Variants in GINS4 observed in about 807,000 individuals in gnomAD.
GINS4 encodes the protein GINS complex subunit 4, also known as DNA replication complex GINS protein SLD5.
Under a neutral mutation model 31.1 loss-of-function variants are expected in GINS4, and 20 were observed. The ratio of observed to expected loss-of-function variants is 0.64; its 90% CI spans 0.45 to 0.93. The LOEUF (loss-of-function observed/expected upper bound fraction) is 0.93. GINS4 is among the 40% of genes least tolerant of loss of function. GINS4 has a pLI of 0.00. For missense variants in GINS4, 245 were observed against 273.9 expected (o/e 0.89, Z 0.75); for synonymous variants, 85 against 97.9 (o/e 0.87, Z 0.78).
rs1221360808 is a variant in GINS4, at chr8:41,537,285, C to T, written c.289C>T (p.Leu97Phe). ...CCTCAGCAGCTACTTGCGGTGTCGC[C>T]TCATGAAGGTTTGACGTGGAGATAC... ...YVLSSYLRCR[L>F]MKIEKFFPHV... is the part of the protein sequence containing the mutation. The change falls in exon 4 of 8, where the codon CTC becomes TTC. Residue 97 changes from leucine to phenylalanine, a missense_variant. Leu to Phe is a conservative substitution (Grantham distance 22). Transcript: ENST00000276533. The T allele has an allele frequency of 1.9e-6, 3 of 1,609,788 alleles. No homozygotes were observed. The highest frequency in any genetic ancestry group is 2.2e-5 in the East Asian group (1 of 44,830).
chr8:41,540,065 C>T, intron 6 of GINS4, 61 bp downstream of exon 6: 1 of 1,109,518 alleles, frequency 9.0e-7, no homozygotes, highest in Non-Finnish European at 1.4e-6. Flanking sequence ...AGGGTAGGAT[C>T]CTCTCTTCAC....
At chr8:41,541,645 G>T (rs13261019) in intron 6 of GINS4, among the ~76,000 whole-genome samples, 164 bp from the exon 7 acceptor site, 1 of 152,010 alleles carries the variant, frequency 6.6e-6, no homozygotes, top group Admixed American at 6.6e-5. Context: ...ATGCGTGTCC[G>T]GTTTCCTCCC....
At chr8:41,541,742 A>T in intron 6 of GINS4, 67 bp from the exon 7 acceptor site, 5 of 1,275,290 alleles carry the variant, frequency 3.9e-6, no homozygotes, top group Non-Finnish European at 5.7e-6. Flanking sequence ...CATTCTTCCC[A>T]GCAACTTTTA....
chr8:41,534,249 A>T (rs1344417575), intron 2 of GINS4: 2 of 427,806 alleles, frequency 4.7e-6, no homozygotes, highest in African/African-American at 2.0e-5. Flanking sequence ...ATTAAAAAAA[A>T]TTTAAAAATT....
chr8:41,539,606 C>T (rs376465477), intron 4 of GINS4, 72 bp from the exon 5 acceptor site: 9 of 1,117,922 alleles, frequency 8.1e-6, no homozygotes, highest in Admixed American at 1.8e-5. Context: ...TGTAAACCCT[C>T]TTTATGTTAA....
chr8:41,539,909 C>A lies in GINS4; in HGVS notation c.396-7C>A. ...ACACCACAGCGATTTGAATCCATGT[C>A]TTTCAGGTTCATGGCGAACACAGAG... On this transcript the variant is annotated splice_polypyrimidine_tract_variant and splice_region_variant and intron_variant, in intron 5 of 7. Coordinates refer to ENST00000276533, the MANE Select transcript of GINS4 (RefSeq NM_032336.3). 6.2e-7 allele frequency: 1 copy of A among 1,613,374 alleles called. No homozygotes were observed. The highest frequency in any genetic ancestry group is 8.5e-7 in the Non-Finnish European group (1 of 1,179,328).
rs1453222179 is a variant in GINS4 at position 41,544,454 on chromosome 8, A to C, written c.*2367A>C. The C allele has an allele frequency of 6.6e-6, 1 of 152,160 alleles. No individual in the cohort carries two copies. Among genetic ancestry groups the C allele is most frequent in the Non-Finnish European group, 1.5e-5 (1 of 68,034 alleles). 9.4% of individuals were successfully genotyped at this position (152,160 alleles called of 1,614,324 possible). A position where few individuals can be genotyped will look rare whatever the true frequency, so the allele number is the denominator to read the frequency against. On this transcript the variant is annotated 3_prime_UTR_variant, in exon 8 of 8. Coordinates refer to ENST00000276533, the MANE Select transcript of GINS4 (RefSeq NM_032336.3). Reference sequence around the variant, plus strand: ...CCAGAGACCTGAGCTGTTAACCTAGAACAGTGTGCTTCCTAAGCCTTAATG... The same window carrying C: ...CCAGAGACCTGAGCTGTTAACCTAGCACAGTGTGCTTCCTAAGCCTTAATG...
At chr8:41,535,237 C>T (rs1585620518) in intron 2 of GINS4, among the ~76,000 whole-genome samples, 1 of 152,236 alleles carries the variant, frequency 6.6e-6, no homozygotes, top group African/African-American at 2.4e-5. Context: ...ACTCGGAAGG[C>T]TGAGGCAGGA....
At chr8:41,532,638 C>G (rs1248756867) in intron 2 of GINS4, among the ~76,000 whole-genome samples, 1 of 151,910 alleles carries the variant, frequency 6.6e-6, no homozygotes, top group Non-Finnish European at 1.5e-5. Flanking sequence ...AGTTCAAGAC[C>G]ATCCTGGCCA....
rs539467415 is a variant in GINS4, at chr8:41,542,553, A to C, written c.*466A>C. 1 of 173,360 alleles carries C rather than the reference A, an allele frequency of 5.8e-6. No individual in the cohort carries two copies. The highest frequency in any genetic ancestry group is 1.3e-5 in the Non-Finnish European group (1 of 79,248). The allele number at this position is 173,360 out of a possible 1,614,324, so 10.7% of individuals were successfully genotyped here. ...GCCCATCTACTCAGGAGGCTGAGGC[A>C]GGAGAATGGTGTGAACCCGGGAGGT... On this transcript the variant is annotated 3_prime_UTR_variant, in exon 8 of 8. Transcript: ENST00000276533.
intron 1 of GINS4, 25 bp downstream of exon 1, chr8:41,529,421 G>A (rs1429078505): frequency 6.6e-6 from 1 of 152,334 alleles, no homozygotes; most frequent in East Asian, 1.9e-4. Flanking sequence ...GGACCTCTGT[G>A]GCTAGGGCAG....
In GINS4 at chr8:41,542,217, C is replaced by T. The variant is rs1271993008; in HGVS notation, c.*130C>T. On this transcript the variant is annotated 3_prime_UTR_variant, in exon 8 of 8. Coordinates refer to ENST00000276533, the MANE Select transcript of GINS4 (RefSeq NM_032336.3). ...CCAACATGGTGAAACCCCATCTTTA[C>T]TAAAAATACAAAATAATTAGCCGGG... 3 of 690,868 alleles carry T rather than the reference C, an allele frequency of 4.3e-6. No homozygotes were observed. The highest frequency in any genetic ancestry group is 2.7e-5 in the East Asian group (1 of 37,418). The allele number at this position is 690,868 out of a possible 1,614,324, so 42.8% of individuals were successfully genotyped here.
rs117925450 is a variant in GINS4 at position 41,544,037 on chromosome 8, T to C, written c.*1950T>C. ...AGGTTTTATTTCTTGACAAAGGTAT[T>C]TGATACTCGTGCAGTCCCTGGAGGG... On this transcript the variant is annotated 3_prime_UTR_variant, in exon 8 of 8. Coordinates refer to ENST00000276533, the MANE Select transcript of GINS4 (RefSeq NM_032336.3). 118 of 152,298 alleles carry C rather than the reference T, an allele frequency of 7.7e-4. 1 individual carries two copies. The highest frequency in any genetic ancestry group is 1.3e-3 in the Non-Finnish European group (90 of 68,064). 9.4% of individuals were successfully genotyped at this position (152,298 alleles called of 1,614,324 possible). A position where few individuals can be genotyped will look rare whatever the true frequency, so the allele number is the denominator to read the frequency against.
At chr8:41,535,002 C>T (rs1221440418) in intron 2 of GINS4, among the ~76,000 whole-genome samples, 1 of 151,870 alleles carries the variant, frequency 6.6e-6, no homozygotes, top group Admixed American at 6.6e-5. Flanking sequence ...GGATTACAGG[C>T]GTGAGCCACT....
Position 41,541,757 on chromosome 8 carries a change from G to A in GINS4, c.485-52G>A. 2.1e-6 allele frequency: 3 copies of A among 1,458,436 alleles called. No homozygotes were observed. In the Middle Eastern group the frequency reaches 5.6e-4, roughly 273 times the overall value. The allele number at this position is 1,458,436 out of a possible 1,614,324, so 90.3% of individuals were successfully genotyped here. On this transcript the variant is annotated intron_variant, in intron 6 of 7. Transcript: ENST00000276533. ...CATTCTTCCCAGCAACTTTTACTTT[G>A]TTGACTTTGTTGGCCGAGGATTTCC...
intron 2 of GINS4, among the ~76,000 whole-genome samples, chr8:41,530,720 T>A (rs1446565838): frequency 6.6e-6 from 1 of 152,236 alleles, no homozygotes; most frequent in Non-Finnish European, 1.5e-5. Flanking sequence ...ACATGTTTTT[T>A]CTTGAGTCGT....
chr8:41,530,172 C>T lies in GINS4; in HGVS notation c.-19-12C>T, dbSNP rs1585617580. On this transcript the variant is annotated splice_polypyrimidine_tract_variant and intron_variant, in intron 1 of 7. Transcript: ENST00000276533. The stretch of plus-strand genomic sequence containing the variant: ...ACGCATTGCAGAGTATTGGTTCTTT[C>T]CCTCTCATTAGGTTCCTGGTTTCAG... 3 of 1,460,646 alleles carry T rather than the reference C, an allele frequency of 2.1e-6. No individual in the cohort carries two copies. In the African/African-American group the frequency reaches 4.2e-5, roughly 20 times the overall value. 90.5% of individuals were successfully genotyped at this position (1,460,646 alleles called of 1,614,324 possible). A position where few individuals can be genotyped will look rare whatever the true frequency, so the allele number is the denominator to read the frequency against.
intron 2 of GINS4, among the ~76,000 whole-genome samples, chr8:41,532,752 G>A (rs1274900129): frequency 6.7e-6 from 1 of 148,468 alleles, no homozygotes; most frequent in Non-Finnish European, 1.5e-5. Flanking sequence ...AGAATCTCTT[G>A]AACCCAGGAG....
At chr8:41,530,994 G>A (rs953641380) in intron 2 of GINS4, among the ~76,000 whole-genome samples, 36 of 152,308 alleles carry the variant, frequency 2.4e-4, no homozygotes, top group South Asian at 1.0e-3. Context: ...CAATAGGGCC[G>A]GGCACGGTGG....
Sources: gnomAD v4.1 joint callset for allele counts (sites outside exome capture counted in the v4.1 genomes callset) on GRCh38, gnomAD v4.1.1 for gene constraint, MANE v1.5 for transcripts, NCBI Gene and HGNC (gene_info 2026-07-23, HGNC 2026-07-21) for gene names.